The following MYO9B variants were observed in gnomAD, a reference collection of about 807,000 sequenced individuals.
MYO9B encodes myosin IXB.
In MYO9B, 71 loss-of-function variants were observed where a neutral mutation model predicts 229.5. The ratio of observed to expected loss-of-function variants is 0.31; its 90% CI spans 0.26 to 0.38. The LOEUF (loss-of-function observed/expected upper bound fraction) is 0.38. MYO9B is among the 10% of genes least tolerant of loss of function. The pLI is 1.00. For synonymous variants in MYO9B, 1,185 were observed against 1,235.8 expected (o/e 0.96, Z 0.86); for missense variants, 2,255 against 2,920.5 (o/e 0.77, Z 5.25).
intron 13 of MYO9B, among the ~76,000 whole-genome samples, chr19:17,174,869 G>A (rs1354808210): frequency 5.3e-5 from 8 of 151,902 alleles, no homozygotes; most frequent in African/African-American, 1.9e-4. Context: ...GGGAGGCAGA[G>A]GTTGCAGTGA....
intron 22 of MYO9B, among the ~76,000 whole-genome samples, chr19:17,197,403 AGAT>A (rs369361883): frequency 2.5e-5 from 3 of 120,408 alleles, no homozygotes; most frequent in Admixed American, 9.2e-5. Flanking sequence ...ATGGATAGAT[AGAT>A]GATAGATAGA....
At chr19:17,162,271 C>T in intron 8 of MYO9B, 79 bp from the exon 9 acceptor site, 2 of 1,251,114 alleles carry the variant, frequency 1.6e-6, no homozygotes, top group South Asian at 1.3e-5. Context: ...TGCCACTGCA[C>T]TCCAGCCTGG....
intron 1 of MYO9B, among the ~76,000 whole-genome samples, chr19:17,080,909 A>C (rs2057528171): frequency 6.6e-6 from 1 of 152,134 alleles, no homozygotes; most frequent in East Asian, 1.9e-4. Flanking sequence ...CATACTCTGA[A>C]GTTCTGAGGT....
intron 2 of MYO9B, among the ~76,000 whole-genome samples, chr19:17,131,516 G>A (rs189007172): frequency 7.9e-5 from 12 of 152,286 alleles, no homozygotes; most frequent in Admixed American, 1.3e-4. Context: ...TGATCTGCCC[G>A]CCTCAGCCTC....
chr19:17,143,869 C>A (rs146558724), intron 2 of MYO9B, among the ~76,000 whole-genome samples: 2,425 of 151,606 alleles, frequency 0.016, 76 homozygotes, highest in African/African-American at 0.054. Context: ...TGCAGTGAGC[C>A]GAGATCGTGC....
At chr19:17,177,718 C>T (rs1345646187) in intron 14 of MYO9B, 1 of 152,550 alleles carries the variant, frequency 6.6e-6, no homozygotes, top group African/African-American at 2.4e-5. Context: ...AAGCAGCATC[C>T]ATCTCCCCAG....
intron 6 of MYO9B, 109 bp downstream of exon 6, chr19:17,154,524 C>A: frequency 1.3e-6 from 1 of 797,330 alleles, no homozygotes; most frequent in Non-Finnish European, 2.0e-6. Flanking sequence ...AACAGGCAGG[C>A]AGTGTCCTGA....
intron 18 of MYO9B, 43 bp downstream of exon 18, chr19:17,186,044 G>C (rs375017098): frequency 6.4e-7 from 1 of 1,565,792 alleles, no homozygotes; most frequent in African/African-American, 1.4e-5. Flanking sequence ...GCCCATGCCG[G>C]ACTCTTAGGG....
intron 8 of MYO9B, among the ~76,000 whole-genome samples, chr19:17,161,276 A>G (rs2072599188): frequency 6.6e-6 from 1 of 152,104 alleles, no homozygotes; most frequent in Admixed American, 6.6e-5. Context: ...GCGTATGGAA[A>G]GGCTTCAGCG....
chr19:17,105,936 T>C (rs1302715245), intron 2 of MYO9B, among the ~76,000 whole-genome samples: 1 of 152,104 alleles, frequency 6.6e-6, no homozygotes, highest in East Asian at 1.9e-4. Context: ...AATTTCACCA[T>C]AGAATGTCCA....
At position 17,208,744 on chromosome 19, in the gene MYO9B, G is replaced by T. The variant is rs866284819; in HGVS notation, c.5625-842G>T. On this transcript the variant is annotated intron_variant, in intron 35 of 39. Coordinates refer to ENST00000682292, the MANE Select transcript of MYO9B (RefSeq NM_004145.4). ...GCTGGATGATAGGTGAATGGTAGTG[G>T]ATTCCTCTCTCTGCTACAAAGCGTC... Among the ~76,000 whole-genome samples, 50 of 152,286 alleles carry T rather than the reference G, an allele frequency of 3.3e-4. 1 individual carries two copies. Among genetic ancestry groups the T allele is most frequent in the Middle Eastern group, 3.4e-3 (1 of 294 alleles).
chr19:17,179,911 A>AT (rs1328620836), intron 14 of MYO9B, among the ~76,000 whole-genome samples: 1 of 150,490 alleles, frequency 6.6e-6, no homozygotes, highest in African/African-American at 2.5e-5. Context: ...AAAAAAAATA[A>AT]AATAAAAATA....
chr19:17,122,355 A>G (rs2057973866), intron 2 of MYO9B, among the ~76,000 whole-genome samples: 1 of 152,138 alleles, frequency 6.6e-6, no homozygotes, highest in African/African-American at 2.4e-5. Flanking sequence ...CCTGGTTAAC[A>G]TGGTGAAACC....
At chr19:17,197,406 T>TGATA (rs11455979) in intron 22 of MYO9B, among the ~76,000 whole-genome samples, 10,272 of 128,532 alleles carry the variant, frequency 0.08, 412 homozygotes, top group Non-Finnish European at 0.097. Context: ...GATAGATAGA[T>TGATA]GATAGATAGA....
At position 17,156,864 on chromosome 19, in the gene MYO9B, A is replaced by T. The variant is rs200934478; in HGVS notation, c.1200-45A>T. 224 of 1,590,052 alleles carry T rather than the reference A, an allele frequency of 1.4e-4. 1 individual carries two copies. The East Asian group carries it at 5.0e-3, about 35-fold the overall frequency. ...TTCCCTGGGAAGTATCTGCTGTCTT[A>T]GGAACGTAGAAACTACCCAAATATG... is the stretch of plus-strand genomic sequence containing the variant. On this transcript the variant is annotated intron_variant, in intron 6 of 39. Transcript: ENST00000682292.
At chr19:17,106,944 TC>T (rs1403531721) in intron 2 of MYO9B, among the ~76,000 whole-genome samples, 1 of 152,162 alleles carries the variant, frequency 6.6e-6, no homozygotes, top group Non-Finnish European at 1.5e-5. Context: ...GCGCCTATAA[TC>T]CCAGGTACTT....
chr19:17,124,172 A>G (rs1041043850), intron 2 of MYO9B, among the ~76,000 whole-genome samples: 2 of 152,064 alleles, frequency 1.3e-5, no homozygotes, highest in South Asian at 4.2e-4. Context: ...TACTGGTGTG[A>G]GCCACCACAC....
At chr19:17,098,949 A>G (rs2057718057) in intron 1 of MYO9B, among the ~76,000 whole-genome samples, 1 of 124,460 alleles carries the variant, frequency 8.0e-6, no homozygotes. Context: ...AAAAAAAAAG[A>G]AGAAGAAACT....
Position 17,096,514 on chromosome 19 carries a change from G to A in MYO9B, c.-58-5146G>A, listed in dbSNP as rs548409603. Among the ~76,000 whole-genome samples, 3 of 151,792 alleles carry A rather than the reference G, an allele frequency of 2.0e-5. No homozygotes were observed. In the South Asian group the frequency reaches 6.2e-4, roughly 32 times the overall value. ...AAAAAAAAAATACAAAAATTAGCTG[G>A]GCATGGTGGTACAGTCAGAGGATCA... On this transcript the variant is annotated intron_variant, in intron 1 of 39. Coordinates refer to ENST00000682292, the MANE Select transcript of MYO9B (RefSeq NM_004145.4).
Sources: allele counts gnomAD v4.1 joint callset (sites outside exome capture counted in the v4.1 genomes callset), GRCh38; gene constraint gnomAD v4.1.1; transcripts MANE v1.5; gene names NCBI Gene and HGNC (gene_info 2026-07-23, HGNC 2026-07-21).